TMEM242: variants seen among roughly 807,000 people sequenced by gnomAD.
TMEM242 encodes the protein UPF0463 transmembrane protein C6orf35.
TMEM242 carries 10 observed loss-of-function variants against 18.2 expected under a neutral mutation model. That is an observed-to-expected ratio of 0.55 (90% CI 0.34 to 0.93). The LOEUF (loss-of-function observed/expected upper bound fraction) is 0.93. TMEM242 is among the 40% of genes least tolerant of loss of function. The pLI is 0.02. For synonymous variants in TMEM242, 57 were observed against 69.9 expected (o/e 0.81, Z 0.92); for missense variants, 186 against 175.5 (o/e 1.06, Z -0.34).
chr6:157,304,977 G>A (rs587758261), intron 3 of TMEM242, among the ~76,000 whole-genome samples: 3 of 152,308 alleles, frequency 2.0e-5, no homozygotes, highest in African/African-American at 7.2e-5. Flanking sequence ...GGTGAGGTGG[G>A]CAATTGTGGT....
chr6:157,294,437 G>A (rs1379601249), intron 3 of TMEM242, among the ~76,000 whole-genome samples: 1 of 136,660 alleles, frequency 7.3e-6, no homozygotes, highest in Non-Finnish European at 1.5e-5. Context: ...TGCAAGCTCC[G>A]CCTCCCGGGT....
At position 157,318,785 on chromosome 6, in the gene TMEM242, G is replaced by A; in HGVS notation, c.324C>T (p.His108=). The change falls in exon 3 of 4, where the codon CAC becomes CAT. Residue 108 remains histidine (H), a synonymous_variant. Coordinates refer to ENST00000400788, the MANE Select transcript of TMEM242 (RefSeq NM_018452.6). ...GGACAAGACAGTAGTTACTTACACT[G>A]TGAACTCCTAAAGCTTTCCAGACTG... ...SFAVWKALGV[H]SMNDFRSKMQ... is the part of the protein sequence containing the mutation. 2 of 1,614,018 alleles carry A rather than the reference G, an allele frequency of 1.2e-6. No homozygotes were observed. Among genetic ancestry groups the A allele is most frequent in the Non-Finnish European group, 1.7e-6 (2 of 1,179,996 alleles).
chr6:157,314,756 A>G (rs1317534607), intron 3 of TMEM242, among the ~76,000 whole-genome samples: 1 of 152,278 alleles, frequency 6.6e-6, no homozygotes, highest in Non-Finnish European at 1.5e-5. Context: ...TCTATGTGAA[A>G]TGAAATTCCA....
chr6:157,320,961 A>G (rs1477098386), intron 2 of TMEM242, among the ~76,000 whole-genome samples: 2 of 151,538 alleles, frequency 1.3e-5, no homozygotes, highest in South Asian at 2.1e-4. Context: ...CTACTTCAGT[A>G]TAAAATAGAA....
intron 2 of TMEM242, among the ~76,000 whole-genome samples, chr6:157,321,166 C>A (rs1290926636): frequency 1.3e-5 from 2 of 151,842 alleles, no homozygotes; most frequent in Non-Finnish European, 2.9e-5. Context: ...CCGCCACCCG[C>A]CCAGTTAATT....
rs1425419500 is a variant in TMEM242 at position 157,289,449 on chromosome 6, T to C, written c.*3452A>G. On this transcript the variant is annotated 3_prime_UTR_variant, in exon 4 of 4. Transcript: ENST00000400788. The stretch of plus-strand genomic sequence containing the variant: ...AAAACACTTCACTTGAACATGGTAT[T>C]ATAAAAATATGTATTTTACTAACTT... The C allele has an allele frequency of 6.6e-6, 1 of 152,220 alleles. No homozygotes were observed. The allele number at this position is 152,220 out of a possible 1,614,324, so 9.4% of individuals were successfully genotyped here. A position where few individuals can be genotyped will look rare whatever the true frequency, so the allele number is the denominator to read the frequency against.
intron 3 of TMEM242, among the ~76,000 whole-genome samples, chr6:157,308,943 T>A (rs782059248): frequency 5.3e-5 from 8 of 152,238 alleles, no homozygotes; most frequent in Non-Finnish European, 8.8e-5. Context: ...ACATCTTTTG[T>A]GCAAGGAGAT....
intron 3 of TMEM242, among the ~76,000 whole-genome samples, chr6:157,293,868 G>C (rs587601000): frequency 2.2e-4 from 33 of 152,204 alleles, no homozygotes; most frequent in African/African-American, 7.7e-4. Context: ...CAAGTAGCTG[G>C]AACTACAGGC....
intron 3 of TMEM242, among the ~76,000 whole-genome samples, chr6:157,311,235 A>G (rs1554248676): frequency 8.7e-6 from 1 of 114,422 alleles, no homozygotes; most frequent in Non-Finnish European, 1.9e-5. Flanking sequence ...GCCTCATCAT[A>G]GTGTCCCAGT....
At chr6:157,310,416 C>A (rs1554248274) in intron 3 of TMEM242, among the ~76,000 whole-genome samples, 2 of 150,330 alleles carry the variant, frequency 1.3e-5, no homozygotes, top group African/African-American at 4.9e-5. Context: ...GGGCACTCAC[C>A]TGGCCTCATC....
intron 3 of TMEM242, among the ~76,000 whole-genome samples, chr6:157,309,434 G>A (rs998427885): frequency 6.6e-5 from 10 of 152,130 alleles, no homozygotes; most frequent in Non-Finnish European, 1.5e-4. Context: ...CTAGGCTGGA[G>A]TGCAGTGGTG....
At chr6:157,308,480 T>C (rs1777945877) in intron 3 of TMEM242, among the ~76,000 whole-genome samples, 1 of 152,188 alleles carries the variant, frequency 6.6e-6, no homozygotes, top group Non-Finnish European at 1.5e-5. Flanking sequence ...AAAGATACAA[T>C]ATTACTTCCC....
intron 3 of TMEM242, among the ~76,000 whole-genome samples, chr6:157,306,823 A>G (rs931690144): frequency 3.3e-5 from 5 of 152,258 alleles, no homozygotes; most frequent in Non-Finnish European, 7.3e-5. Flanking sequence ...ATCTGTCAGT[A>G]TAAGAAGCAA....
At chr6:157,297,883 CTAATCCT>C (rs1777771668) in intron 3 of TMEM242, among the ~76,000 whole-genome samples, 1 of 152,222 alleles carries the variant, frequency 6.6e-6, no homozygotes, top group East Asian at 1.9e-4. Context: ...TTCTAAGCTA[CTAATCCT>C]ATTATTTAGA....
At chr6:157,311,712 G>A (rs374676206) in intron 3 of TMEM242, among the ~76,000 whole-genome samples, 4 of 16,096 alleles carry the variant, frequency 2.5e-4, no homozygotes, top group Non-Finnish European at 3.4e-4. Context: ...CGTCATCATA[G>A]TGCCCCAGTG....
intron 3 of TMEM242, among the ~76,000 whole-genome samples, chr6:157,294,666 A>G (rs1777729406): frequency 6.6e-6 from 1 of 152,048 alleles, no homozygotes; most frequent in Non-Finnish European, 1.5e-5. Flanking sequence ...CATTTCTTAG[A>G]GTGGTTATTT....
intron 3 of TMEM242, among the ~76,000 whole-genome samples, chr6:157,316,420 T>G (rs1276013748): frequency 6.6e-6 from 1 of 152,350 alleles, no homozygotes; most frequent in South Asian, 2.1e-4. Flanking sequence ...AAAATGTCTG[T>G]AGAATGCCTA....
intron 3 of TMEM242, among the ~76,000 whole-genome samples, chr6:157,314,602 C>T (rs1180391892): frequency 1.3e-5 from 2 of 152,196 alleles, no homozygotes; most frequent in African/African-American, 4.8e-5. Flanking sequence ...ACTGATTTCT[C>T]CCCATTGTCA....
chr6:157,311,035 T>C (rs74857343), intron 3 of TMEM242, among the ~76,000 whole-genome samples: 1,235 of 14,750 alleles, frequency 0.084, 30 homozygotes, highest in Admixed American at 0.1. Context: ...CATCATAGTG[T>C]CCCAGTGTGC....
Sources: allele counts gnomAD v4.1 joint callset (sites outside exome capture counted in the v4.1 genomes callset), GRCh38; gene constraint gnomAD v4.1.1; transcripts MANE v1.5; gene names NCBI Gene and HGNC (gene_info 2026-07-23, HGNC 2026-07-21).